Variants in ZNF638 observed in about 807,000 individuals in gnomAD.
ZNF638 encodes the protein zinc finger protein 638, also known as CTCL tumor antigen se33-1.
Under a neutral mutation model 195.6 loss-of-function variants are expected in ZNF638, and 46 were observed. That is an observed-to-expected ratio of 0.24 (90% CI 0.19 to 0.30). ZNF638 has a LOEUF of 0.30. ZNF638 is among the 10% of genes least tolerant of loss of function. The pLI is 1.00. For synonymous variants in ZNF638, 845 were observed against 772.0 expected (o/e 1.09, Z -1.57); for missense variants, 2,440 against 2,325.3 (o/e 1.05, Z -1.01).
At chr2:71,393,807 T>C (rs796229938) in intron 10 of ZNF638, among the ~76,000 whole-genome samples, 2 of 152,092 alleles carry the variant, frequency 1.3e-5, no homozygotes, top group African/African-American at 4.8e-5. Context: ...ACTGCTTGGC[T>C]AGGAGGGATT....
In ZNF638 at chr2:71,381,531, G is replaced by A. The variant is rs188897609; in HGVS notation, c.2377+966G>A. 7.9e-5 allele frequency among the ~76,000 whole-genome samples: 12 copies of A among 152,132 alleles called. No individual in the cohort carries two copies. In the East Asian group the frequency reaches 1.3e-3, roughly 17 times the overall value. On this transcript the variant is annotated intron_variant, in intron 10 of 27. Coordinates refer to ENST00000264447, the MANE Select transcript of ZNF638 (RefSeq NM_014497.5). ...GGCAGAAGATTACTTCATCTGGGGG[G>A]CACACAACAACAAAGGTAACAAAGT...
intron 20 of ZNF638, among the ~76,000 whole-genome samples, chr2:71,411,318 T>C (rs1231678744): frequency 1.3e-5 from 2 of 151,578 alleles, no homozygotes; most frequent in East Asian, 1.9e-4. Context: ...TTTTCTATTA[T>C]TATTTTTTGA....
At chr2:71,361,942 C>T (rs1315320610) in intron 3 of ZNF638, among the ~76,000 whole-genome samples, 2 of 152,166 alleles carry the variant, frequency 1.3e-5, no homozygotes, top group East Asian at 3.8e-4. Context: ...AAGGTTCGAC[C>T]TAACGTTATT....
chr2:71,338,669 T>G (rs2078712983), intron 1 of ZNF638, among the ~76,000 whole-genome samples: 1 of 152,220 alleles, frequency 6.6e-6, no homozygotes, highest in South Asian at 2.1e-4. Flanking sequence ...TTTATTTTCC[T>G]GGGGGGCTGT....
rs778639360 is a variant in ZNF638 at position 71,426,603 on chromosome 2, C to T, written c.4734C>T (p.Asn1578=). The T allele has an allele frequency of 9.3e-6, 15 of 1,614,040 alleles. No homozygotes were observed. The highest frequency in any genetic ancestry group is 1.3e-5 in the African/African-American group (1 of 75,002). The change falls in exon 24 of 28, where the codon AAC becomes AAT. Residue 1578 remains asparagine, a synonymous_variant. Transcript: ENST00000264447. ...AAAATGTTCCTTTCTCTGAACTTAA[C>T]TTAAAGAAGAAAAAGGGGAAAACTT... ...TLKNVPFSEL[N]LKKKKGKTST...
chr2:71,364,380 C>A, intron 5 of ZNF638, 128 bp downstream of exon 5: 2 of 987,172 alleles, frequency 2.0e-6, no homozygotes, highest in African/African-American at 1.6e-5. Flanking sequence ...ATCTGACCCA[C>A]ATGCCACAGA....
At chr2:71,369,048 G>T (rs1462065958) in intron 7 of ZNF638, among the ~76,000 whole-genome samples, 2 of 149,304 alleles carry the variant, frequency 1.3e-5, no homozygotes, top group African/African-American at 4.9e-5. Flanking sequence ...AAAATAGTTA[G>T]TTAAGGCTGG....
At chr2:71,367,455 T>TA (rs2079221242) in intron 6 of ZNF638, among the ~76,000 whole-genome samples, 1 of 119,768 alleles carries the variant, frequency 8.3e-6, no homozygotes, top group Non-Finnish European at 1.7e-5. Context: ...TTTTTTTGAA[T>TA]CAGAGTCTCG....
intron 2 of ZNF638, among the ~76,000 whole-genome samples, chr2:71,352,588 G>A (rs1298446532): frequency 6.6e-6 from 1 of 152,088 alleles, no homozygotes; most frequent in Non-Finnish European, 1.5e-5. Context: ...GTGGTAGGAG[G>A]CAGTTGGGAA....
At chr2:71,418,946 G>A (rs530222946) in intron 21 of ZNF638, among the ~76,000 whole-genome samples, 1 of 152,100 alleles carries the variant, frequency 6.6e-6, no homozygotes, top group Admixed American at 6.5e-5. Context: ...TCAACATCAC[G>A]AACAGTAATT....
chr2:71,356,768 G>A (rs1159138054), intron 3 of ZNF638, among the ~76,000 whole-genome samples: 1 of 150,842 alleles, frequency 6.6e-6, no homozygotes, highest in Non-Finnish European at 1.5e-5. Context: ...TAGCCTGGGC[G>A]ACAGCCTGTT....
At chr2:71,371,606 G>A (rs1182888964) in intron 8 of ZNF638, among the ~76,000 whole-genome samples, 1 of 152,008 alleles carries the variant, frequency 6.6e-6, no homozygotes, top group Admixed American at 6.5e-5. Flanking sequence ...CAGTGATGTT[G>A]AGTACCTTTT....
rs2079277599 is a variant in ZNF638, at chr2:71,369,868, T to C, written c.2143-15T>C. 1 of 1,561,328 alleles carries C rather than the reference T, an allele frequency of 6.4e-7. No homozygotes were observed. Among genetic ancestry groups the C allele is most frequent in the Admixed American group, 2.2e-5 (1 of 45,618 alleles). ...GATAGATTTGTGACTAAAGATGGAA[T>C]AAATTTCATTTTAGGCTTACCTAGA... On this transcript the variant is annotated splice_polypyrimidine_tract_variant and intron_variant, in intron 7 of 27. Transcript: ENST00000264447.
At chr2:71,347,581 C>T (rs1223289432) in intron 1 of ZNF638, among the ~76,000 whole-genome samples, 1 of 152,192 alleles carries the variant, frequency 6.6e-6, no homozygotes, top group African/African-American at 2.4e-5. Context: ...TTCCACCATG[C>T]ATTTCAATCA....
chr2:71,393,968 C>G (rs1224059374), intron 10 of ZNF638, among the ~76,000 whole-genome samples: 1 of 152,184 alleles, frequency 6.6e-6, no homozygotes, highest in Non-Finnish European at 1.5e-5. Context: ...AAAGGAATTG[C>G]CTTAACATTC....
At chr2:71,410,992 C>CG (rs1553484599) in intron 20 of ZNF638, among the ~76,000 whole-genome samples, 4 of 24,506 alleles carry the variant, frequency 1.6e-4, no homozygotes, top group African/African-American at 5.8e-4. Flanking sequence ...CTCCCCCCCC[C>CG]TTTTTTTTTT....
rs988024084 is a variant in ZNF638 at position 71,364,054 on chromosome 2, C to T, written c.1519C>T (p.Arg507Trp). ...RRSSSSHRFR[R>W]SRSPMHYMYR... Reference sequence around the variant, plus strand: ...ATCAAGCTCAAGTCACAGATTCCGTCGGTCTCGAAGCCCAATGCATTACAT... The same window carrying T: ...ATCAAGCTCAAGTCACAGATTCCGTTGGTCTCGAAGCCCAATGCATTACAT... The change falls in exon 5 of 28, where the codon CGG becomes TGG. Residue 507 changes from arginine to tryptophan, a missense_variant. Physicochemically the swap from Arg to Trp is moderately radical, Grantham distance 101. Transcript: ENST00000264447. 9.3e-6 allele frequency: 15 copies of T among 1,614,068 alleles called. No individual in the cohort carries two copies. The highest frequency in any genetic ancestry group is 1.1e-5 in the South Asian group (1 of 91,092).
intron 10 of ZNF638, chr2:71,395,871 CT>C (rs1370292051): frequency 1.9e-6 from 1 of 523,316 alleles, no homozygotes; most frequent in Admixed American, 3.6e-5. Context: ...AATTCCTATG[CT>C]TATGTACTGT....
chr2:71,416,962 C>G (rs551406637), intron 20 of ZNF638, among the ~76,000 whole-genome samples: 1 of 150,932 alleles, frequency 6.6e-6, no homozygotes, highest in Non-Finnish European at 1.5e-5. Context: ...GAGGTGGAGC[C>G]TACAGAGGCA....
Sources: gnomAD v4.1 joint callset for allele counts (sites outside exome capture counted in the v4.1 genomes callset) on GRCh38, gnomAD v4.1.1 for gene constraint, MANE v1.5 for transcripts, NCBI Gene and HGNC (gene_info 2026-07-23, HGNC 2026-07-21) for gene names.